The following PRORP variants were observed in gnomAD, a reference collection of about 807,000 sequenced individuals.
The protein encoded by PRORP is protein only RNase P catalytic subunit.
Under a neutral mutation model 59.4 loss-of-function variants are expected in PRORP, and 51 were observed. The observed-to-expected ratio is 0.86, with a 90% CI of 0.69 to 1.08. The LOEUF is 1.08. Ranked by LOEUF, PRORP falls within the 50% of genes least tolerant of loss-of-function variation. PRORP has a pLI of 0.00. For missense variants in PRORP, 646 were observed against 690.3 expected (o/e 0.94, Z 0.72); for synonymous variants, 231 against 245.6 (o/e 0.94, Z 0.55).
chr14:35,266,115 C>T (rs199950865), intron 5 of PRORP, among the ~76,000 whole-genome samples: 8 of 151,480 alleles, frequency 5.3e-5, no homozygotes, highest in Non-Finnish European at 1.0e-4. Context: ...GTCAGGAGTT[C>T]GAGACCAGCC....
At chr14:35,184,201 A>G (rs969650437) in intron 5 of PRORP, among the ~76,000 whole-genome samples, 1 of 152,142 alleles carries the variant, frequency 6.6e-6, no homozygotes, top group Non-Finnish European at 1.5e-5. Flanking sequence ...ATGGAATAGC[A>G]CCATTATCAC....
intron 5 of PRORP, among the ~76,000 whole-genome samples, chr14:35,184,961 G>A (rs1310502708): frequency 6.6e-6 from 1 of 152,080 alleles, no homozygotes; most frequent in Admixed American, 6.6e-5. Context: ...CTTTGCTATT[G>A]TTAATAGTAC....
chr14:35,266,274 G>A (rs1486922520), intron 5 of PRORP, among the ~76,000 whole-genome samples: 3 of 150,184 alleles, frequency 2.0e-5, no homozygotes, highest in East Asian at 2.0e-4. Flanking sequence ...CTGAGATCTC[G>A]CCATTGTACT....
intron 5 of PRORP, among the ~76,000 whole-genome samples, chr14:35,191,347 C>A (rs549617100): frequency 2.6e-4 from 40 of 152,256 alleles, no homozygotes; most frequent in African/African-American, 9.6e-4. Flanking sequence ...TCCCAAGCCA[C>A]GTGGAACTGT....
At chr14:35,230,338 C>T (rs1595350665) in intron 5 of PRORP, among the ~76,000 whole-genome samples, 1 of 152,228 alleles carries the variant, frequency 6.6e-6, no homozygotes, top group Admixed American at 6.5e-5. Flanking sequence ...AGGCGTGAGC[C>T]ACCACGCCCA....
chr14:35,133,489 GT>G (rs1482904990), intron 4 of PRORP, among the ~76,000 whole-genome samples: 3 of 152,122 alleles, frequency 2.0e-5, no homozygotes, highest in African/African-American at 7.2e-5. Flanking sequence ...TCACACATCT[GT>G]TTCTCCAGTA....
At chr14:35,266,554 A>G (rs1173710381) in intron 5 of PRORP, among the ~76,000 whole-genome samples, 173 bp from the exon 6 acceptor site, 1 of 152,178 alleles carries the variant, frequency 6.6e-6, no homozygotes, top group African/African-American at 2.4e-5. Flanking sequence ...ATTAATGTGT[A>G]ATAGGGAAGC....
At chr14:35,268,742 C>T (rs1271633277) in intron 6 of PRORP, among the ~76,000 whole-genome samples, 2 of 152,234 alleles carry the variant, frequency 1.3e-5, no homozygotes, top group South Asian at 2.1e-4. Flanking sequence ...ATTACAGGCA[C>T]CCGCCACCAT....
rs1396623865 is a variant in PRORP, at chr14:35,273,568, G to C, written c.*2G>C. 1.2e-6 allele frequency: 2 copies of C among 1,611,544 alleles called. No homozygotes were observed. Among genetic ancestry groups the C allele is most frequent in the Non-Finnish European group, 1.7e-6 (2 of 1,179,072 alleles). ...CTTTGCCTCCACCAAAAGACATAGA[G>C]ATTCTTACCTCTATGCTAAGTTTGT... On this transcript the variant is annotated 3_prime_UTR_variant, in exon 8 of 8. Coordinates refer to ENST00000534898, the MANE Select transcript of PRORP (RefSeq NM_014672.4).
chr14:35,189,611 A>G (rs948277335), intron 5 of PRORP, among the ~76,000 whole-genome samples: 2 of 152,126 alleles, frequency 1.3e-5, no homozygotes, highest in African/African-American at 4.8e-5. Context: ...TGAGGATATG[A>G]CCATAGATCA....
chr14:35,250,636 G>A (rs60049741), intron 5 of PRORP, among the ~76,000 whole-genome samples: 51,809 of 151,966 alleles, frequency 0.34, 10,453 homozygotes, highest in East Asian at 0.69. Context: ...TAAAGGGAGG[G>A]AAGTTGAACA....
chr14:35,138,380 G>A (rs1305517405), intron 4 of PRORP, among the ~76,000 whole-genome samples: 2 of 145,518 alleles, frequency 1.4e-5, no homozygotes, highest in African/African-American at 2.4e-5. Flanking sequence ...GTAAATATGC[G>A]TTAATAAAAC....
intron 4 of PRORP, among the ~76,000 whole-genome samples, chr14:35,176,415 G>T (rs1054836252): frequency 6.6e-6 from 1 of 151,878 alleles, no homozygotes; most frequent in Non-Finnish European, 1.5e-5. Flanking sequence ...TTTTTATTTC[G>T]TTGAGCAGTG....
chr14:35,230,378 G>A (rs984895590), intron 5 of PRORP, among the ~76,000 whole-genome samples: 2 of 152,134 alleles, frequency 1.3e-5, no homozygotes, highest in South Asian at 4.1e-4. Flanking sequence ...GATAGAGATG[G>A]GGAAAGCAGT....
chr14:35,184,875 A>G (rs1004464006), intron 5 of PRORP, among the ~76,000 whole-genome samples: 3 of 152,180 alleles, frequency 2.0e-5, no homozygotes. Flanking sequence ...TTGGCTGCAT[A>G]GTACTCCATG....
At chr14:35,155,150 C>T (rs149922973) in intron 4 of PRORP, among the ~76,000 whole-genome samples, 34 of 152,252 alleles carry the variant, frequency 2.2e-4, no homozygotes, top group East Asian at 9.6e-4. Context: ...ATTTTGGCCT[C>T]CCAAAGTGCT....
intron 5 of PRORP, among the ~76,000 whole-genome samples, chr14:35,204,921 C>G (rs1391516780): frequency 6.6e-6 from 1 of 152,112 alleles, no homozygotes. Context: ...GTTTTGAGTA[C>G]TTTATACACA....
rs766680749 is a variant in PRORP, at chr14:35,266,857, GT to G, written c.1413del (p.Phe471LeufsTer30). The G allele has an allele frequency of 6.2e-7, 1 of 1,614,080 alleles. No individual in the cohort carries two copies. Among genetic ancestry groups the G allele is most frequent in the East Asian group, 2.2e-5 (1 of 44,874 alleles). On this transcript the variant is annotated frameshift_variant, in exon 6 of 8. Coordinates refer to ENST00000534898, the MANE Select transcript of PRORP (RefSeq NM_014672.4). LOFTEE classifies it high-confidence loss of function. ...EMEEVQKQAS[C>X]FFADDISEDD... ...GAAGAGGTGCAAAAGCAAGCCAGCT[GT>G]TTTTTTGCTGATGACATGTAAGTGT... is the stretch of plus-strand genomic sequence containing the variant.
chr14:35,209,149 C>T (rs980347939), intron 5 of PRORP, among the ~76,000 whole-genome samples: 3 of 151,462 alleles, frequency 2.0e-5, no homozygotes, highest in Admixed American at 1.3e-4. Flanking sequence ...ACCCCAGCCT[C>T]GGCGACAGAG....
Sources: allele counts gnomAD v4.1 joint callset (sites outside exome capture counted in the v4.1 genomes callset), GRCh38; gene constraint gnomAD v4.1.1; transcripts MANE v1.5; gene names NCBI Gene and HGNC (gene_info 2026-07-23, HGNC 2026-07-21).